The following SBF2 variants were observed in gnomAD, a reference collection of about 807,000 sequenced individuals.
SBF2 encodes myotubularin-related protein 13.
Under a neutral mutation model 225.2 loss-of-function variants are expected in SBF2, and 112 were observed. That is an observed-to-expected ratio of 0.50 (90% CI 0.43 to 0.58). The LOEUF is 0.58. Ranked by LOEUF, SBF2 falls within the 20% of genes least tolerant of loss-of-function variation. The pLI is 0.00. For missense variants in SBF2, 1,996 were observed against 2,206.2 expected, an observed-to-expected ratio of 0.90 and a Z score of 1.91; for synonymous variants, 763 against 773.3, an observed-to-expected ratio of 0.99 and a Z score of 0.22.
chr11:10,009,871 AAG>A (rs1449694698), intron 6 of SBF2, among the ~76,000 whole-genome samples: 3 of 152,176 alleles, frequency 2.0e-5, no homozygotes, highest in Non-Finnish European at 4.4e-5. Context: ...CACTCCCAAC[AAG>A]AGTGTAAAAG....
chr11:10,249,677 C>T (rs1318403108), intron 1 of SBF2, among the ~76,000 whole-genome samples: 3 of 151,650 alleles, frequency 2.0e-5, no homozygotes, highest in African/African-American at 7.3e-5. Flanking sequence ...CAAATAGTCT[C>T]TTCTGACTTC....
chr11:9,919,744 T>C (rs1863445079), intron 16 of SBF2, among the ~76,000 whole-genome samples: 1 of 152,172 alleles, frequency 6.6e-6, no homozygotes, highest in Admixed American at 6.5e-5. Flanking sequence ...TTACTTTTTC[T>C]TTCTTTGGAG....
At chr11:10,243,735 C>A (rs1016878169) in intron 1 of SBF2, among the ~76,000 whole-genome samples, 1 of 151,768 alleles carries the variant, frequency 6.6e-6, no homozygotes, top group Non-Finnish European at 1.5e-5. Flanking sequence ...TATAATCTAC[C>A]AAGGCTGAAT....
At chr11:10,214,858 C>T (rs942666259) in intron 1 of SBF2, among the ~76,000 whole-genome samples, 2 of 152,134 alleles carry the variant, frequency 1.3e-5, no homozygotes, top group Admixed American at 6.5e-5. Context: ...GATCAGAATC[C>T]ACTCCAGGTA....
At chr11:9,976,601 C>T (rs1168218581) in intron 13 of SBF2, among the ~76,000 whole-genome samples, 1 of 151,824 alleles carries the variant, frequency 6.6e-6, no homozygotes, top group Non-Finnish European at 1.5e-5. Context: ...AAGCGAGACA[C>T]CACCTCCAAA....
intron 32 of SBF2, among the ~76,000 whole-genome samples, chr11:9,803,015 A>G (rs1008077063): frequency 3.3e-5 from 5 of 152,188 alleles, no homozygotes; most frequent in African/African-American, 1.2e-4. Context: ...TTAAAAATTT[A>G]TGTTTTAATT....
rs1953274161 is a variant in SBF2, at chr11:10,118,519, G to T, written c.141+75383C>A. 2.0e-5 allele frequency among the ~76,000 whole-genome samples: 3 copies of T among 151,800 alleles called. No individual in the cohort carries two copies. The South Asian group carries it at 6.2e-4, about 32-fold the overall frequency. On this transcript the variant is annotated intron_variant, in intron 2 of 39. Transcript: ENST00000256190. ...ATCAAATTTTAAAATATGGTCAGAGGTATACATTTCAAACATATGTAAGCA... is the reference window on the plus strand; with the variant it reads ...ATCAAATTTTAAAATATGGTCAGAGTTATACATTTCAAACATATGTAAGCA...
At chr11:9,990,814 G>A (rs1947401664) in intron 12 of SBF2, among the ~76,000 whole-genome samples, 1 of 152,190 alleles carries the variant, frequency 6.6e-6, no homozygotes, top group Admixed American at 6.5e-5. Flanking sequence ...GCAGTCGAGT[G>A]GCTCTCAGAG....
At chr11:9,780,602 CT>C in intron 39 of SBF2, 86 bp from the exon 40 acceptor site, 3 of 1,063,200 alleles carry the variant, frequency 2.8e-6, no homozygotes, top group Non-Finnish European at 4.3e-6. Flanking sequence ...TTCCTGTGAC[CT>C]TTCTTTTCCA....
intron 33 of SBF2, among the ~76,000 whole-genome samples, chr11:9,792,470 G>A (rs1852813071): frequency 6.6e-6 from 1 of 151,998 alleles, no homozygotes; most frequent in Non-Finnish European, 1.5e-5. Flanking sequence ...TCTACCAGCA[G>A]TGGTTGAGAT....
chr11:9,978,886 C>T (rs1467842183), intron 13 of SBF2, among the ~76,000 whole-genome samples: 1 of 152,148 alleles, frequency 6.6e-6, no homozygotes, highest in Non-Finnish European at 1.5e-5. Context: ...GTAGTCCCAG[C>T]TACTCAGGAG....
At chr11:9,982,848 G>A (rs11827741) in intron 13 of SBF2, among the ~76,000 whole-genome samples, 2,171 of 152,274 alleles carry the variant, frequency 0.014, 38 homozygotes, top group African/African-American at 0.037. Context: ...AGAAGTTTCC[G>A]ACTTTACCTA....
rs1319116888 is a variant in SBF2 at position 10,196,862 on chromosome 11, ATATAT to A, written c.56-2880_56-2876del. 2.5e-3 allele frequency among the ~76,000 whole-genome samples: 54 copies of A among 22,026 alleles called. 2 individuals are homozygous for A. The highest frequency in any genetic ancestry group is 3.0e-3 in the Non-Finnish European group (20 of 6,654). The allele number at this position is 22,026 out of a possible 152,430, so 14.4% of individuals were successfully genotyped here. A position where few individuals can be genotyped will look rare whatever the true frequency, so the allele number is the denominator to read the frequency against. ...AATATATATATATATATATATATAT[ATATAT>A]TTTTTTTTTCCTACAAAATGAATAC... On this transcript the variant is annotated intron_variant, in intron 1 of 39. Coordinates refer to ENST00000256190, the MANE Select transcript of SBF2 (RefSeq NM_030962.4).
At chr11:10,190,928 C>T (rs1264043894) in intron 2 of SBF2, among the ~76,000 whole-genome samples, 1 of 152,162 alleles carries the variant, frequency 6.6e-6, no homozygotes, top group African/African-American at 2.4e-5. Context: ...TTGGCTGACA[C>T]TAAGAGTCAA....
chr11:10,111,663 A>T (rs1284376822), intron 2 of SBF2, among the ~76,000 whole-genome samples: 1 of 152,170 alleles, frequency 6.6e-6, no homozygotes, highest in Non-Finnish European at 1.5e-5. Context: ...ATCACTTGAG[A>T]TCAGGAGTTC....
Position 9,882,961 on chromosome 11 carries a change from G to A in SBF2, c.1929+12982C>T, listed in dbSNP as rs118006549. The stretch of plus-strand genomic sequence containing the variant: ...ACCTAAAATAGCTATCTATTAGCCT[G>A]GGCAACATGGTAAAATACAACAATT... On this transcript the variant is annotated intron_variant, in intron 17 of 39. Transcript: ENST00000256190. 3.7e-3 allele frequency among the ~76,000 whole-genome samples: 562 copies of A among 152,100 alleles called. 2 individuals are homozygous for A. Among genetic ancestry groups the A allele is most frequent in the Non-Finnish European group, 6.9e-3 (468 of 67,996 alleles).
chr11:9,798,293 C>T (rs2075359820), intron 32 of SBF2, among the ~76,000 whole-genome samples: 1 of 152,176 alleles, frequency 6.6e-6, no homozygotes, highest in Non-Finnish European at 1.5e-5. Flanking sequence ...TCCCCCTCAA[C>T]CTGTCCTGTA....
chr11:10,032,650 T>C (rs560667987), intron 3 of SBF2, among the ~76,000 whole-genome samples: 12 of 152,244 alleles, frequency 7.9e-5, no homozygotes, highest in Non-Finnish European at 1.8e-4. Context: ...CTCCATGGCA[T>C]TTGTTACTAT....
At chr11:9,912,668 G>T (rs114751769) in intron 16 of SBF2, among the ~76,000 whole-genome samples, 2,225 of 152,230 alleles carry the variant, frequency 0.015, 62 homozygotes, top group African/African-American at 0.05. Context: ...TTCCAATGTG[G>T]CCCAGGGAAG....
Sources: gnomAD v4.1 joint callset for allele counts (sites outside exome capture counted in the v4.1 genomes callset) on GRCh38, gnomAD v4.1.1 for gene constraint, MANE v1.5 for transcripts, NCBI Gene and HGNC (gene_info 2026-07-23, HGNC 2026-07-21) for gene names.